The following MAPK10 variants were observed in gnomAD, a reference collection of about 807,000 sequenced individuals.
MAPK10 encodes the protein JNK3 alpha protein kinase.
A neutral mutation model predicts 59.3 loss-of-function variants in MAPK10; 25 were observed. The ratio of observed to expected loss-of-function variants is 0.42; its 90% CI spans 0.31 to 0.59. MAPK10 has a LOEUF of 0.59. MAPK10 is among the 20% of genes least tolerant of loss of function. The pLI is 0.15. For synonymous variants in MAPK10, 190 were observed against 200.5 expected, an observed-to-expected ratio of 0.95 and a Z score of 0.44; for missense variants, 351 against 568.9, an observed-to-expected ratio of 0.62 and a Z score of 3.90.
At chr4:86,046,536 G>A (rs2042534219) in intron 11 of MAPK10, among the ~76,000 whole-genome samples, 1 of 152,064 alleles carries the variant, frequency 6.6e-6, no homozygotes, top group Non-Finnish European at 1.5e-5. Context: ...TGGAAGCACA[G>A]TATATAGTAC....
Position 86,511,738 on chromosome 4 carries a change from C to T in MAPK10, c.-263+82172G>A, listed in dbSNP as rs1031587712. On this transcript the variant is annotated intron_variant, in intron 1 of 4. Transcript: ENST00000502302. ...GGAGGAGCGGGAGCAGGAGGGGGAG[C>T]GAGAGGGAAAGGGGGAGGGGAGAGA... Among the ~76,000 whole-genome samples the T allele has an allele frequency of 6.3e-5, 7 of 111,062 alleles. No individual in the cohort carries two copies. The Admixed American group carries it at 6.8e-4, about 11-fold the overall frequency. 72.9% of individuals were successfully genotyped at this position (111,062 alleles called of 152,430 possible).
At chr4:86,107,566 GGAA>G in intron 4 of MAPK10, 3 of 1,164,982 alleles carry the variant, frequency 2.6e-6, no homozygotes, top group South Asian at 3.6e-5. Flanking sequence ...TTGGAGGAAG[GGAA>G]GAAGGAGAAA....
intron 1 of MAPK10, among the ~76,000 whole-genome samples, chr4:86,487,269 C>T (rs1754065877): frequency 6.6e-6 from 1 of 151,436 alleles, no homozygotes; most frequent in Non-Finnish European, 1.5e-5. Flanking sequence ...TAAGAGGATA[C>T]CTTTTTTTCT....
At chr4:86,473,660 A>G (rs1185295898) in intron 1 of MAPK10, among the ~76,000 whole-genome samples, 1 of 152,206 alleles carries the variant, frequency 6.6e-6, no homozygotes, top group Admixed American at 6.5e-5. Flanking sequence ...CGCATTAGAG[A>G]AAATCTAAAC....
chr4:86,374,499 T>A (rs1739462831), intron 1 of MAPK10, among the ~76,000 whole-genome samples: 3 of 152,196 alleles, frequency 2.0e-5, no homozygotes, highest in Admixed American at 6.5e-5. Flanking sequence ...ATCATTATTG[T>A]CCTGTGTGGA....
intron 3 of MAPK10, among the ~76,000 whole-genome samples, chr4:86,176,972 T>A (rs2075836681): frequency 6.6e-6 from 1 of 152,098 alleles, no homozygotes. Context: ...TTAAAGCAGA[T>A]GTAGAAGAAA....
intron 9 of MAPK10, among the ~76,000 whole-genome samples, chr4:86,072,377 C>T (rs1024632039): frequency 2.4e-4 from 36 of 151,344 alleles, no homozygotes; most frequent in African/African-American, 7.8e-4. Context: ...AATTGAATAC[C>T]GTTTATTTCC....
upstream of MAPK10, chr4:86,360,303 C>A (rs970031637): frequency 5.9e-5 from 32 of 545,510 alleles, no homozygotes; most frequent in Non-Finnish European, 7.2e-5. Context: ...AGCCAGCCTG[C>A]ACAACCTGAA....
rs981399401 is a variant in MAPK10, at chr4:86,375,006, G to A, written c.-121-20362C>T. Among the ~76,000 whole-genome samples the A allele has an allele frequency of 1.2e-4, 18 of 152,244 alleles. No homozygotes were observed. The East Asian group carries it at 1.5e-3, about 13-fold the overall frequency. On this transcript the variant is annotated intron_variant, in intron 1 of 13. Coordinates refer to the MAPK10 transcript ENST00000361569. Reference sequence around the variant, plus strand: ...ACATGATCAAGACAAAAACGTGTTCGGATATTGCTTCTGCTCTTTCATGGA... The same window carrying A: ...ACATGATCAAGACAAAAACGTGTTCAGATATTGCTTCTGCTCTTTCATGGA...
At chr4:86,152,890 G>A (rs1178645920) in intron 4 of MAPK10, among the ~76,000 whole-genome samples, 6 of 152,172 alleles carry the variant, frequency 3.9e-5, no homozygotes, top group African/African-American at 1.4e-4. Context: ...CTGTTATTTA[G>A]CATAATTTAA....
intron 1 of MAPK10, among the ~76,000 whole-genome samples, chr4:86,591,102 T>A (rs557398712): frequency 1.8e-4 from 28 of 152,274 alleles, no homozygotes; most frequent in African/African-American, 6.3e-4. Flanking sequence ...TTATTTTTTT[T>A]AAATAAAGAT....
At chr4:86,316,260 T>C (rs1271511721) in intron 2 of MAPK10, among the ~76,000 whole-genome samples, 5 of 152,176 alleles carry the variant, frequency 3.3e-5, no homozygotes, top group Admixed American at 1.3e-4. Flanking sequence ...CCAAAAATAA[T>C]ATTCACATCT....
At chr4:86,440,048 A>C (rs935272569) in intron 1 of MAPK10, among the ~76,000 whole-genome samples, 2 of 152,222 alleles carry the variant, frequency 1.3e-5, no homozygotes, top group African/African-American at 4.8e-5. Context: ...CTTCTGAAAT[A>C]GTTTTGCAAA....
intron 1 of MAPK10, among the ~76,000 whole-genome samples, chr4:86,536,431 C>T (rs897785788): frequency 2.6e-5 from 4 of 152,176 alleles, no homozygotes; most frequent in Non-Finnish European, 5.9e-5. Context: ...AACCCAGACA[C>T]GATTACGTTT....
chr4:86,241,106 G>C (rs2092695557), intron 2 of MAPK10, among the ~76,000 whole-genome samples: 1 of 152,122 alleles, frequency 6.6e-6, no homozygotes, highest in African/African-American at 2.4e-5. Flanking sequence ...GCTTAGTTTG[G>C]CTGGATATGA....
intron 2 of MAPK10, among the ~76,000 whole-genome samples, chr4:86,338,644 C>G (rs1005858150): frequency 6.6e-6 from 1 of 152,134 alleles, no homozygotes; most frequent in African/African-American, 2.4e-5. Flanking sequence ...AGCCCTATAG[C>G]CTTTCCACGG....
At chr4:86,589,639 G>A (rs1243595022) in intron 1 of MAPK10, among the ~76,000 whole-genome samples, 5 of 150,566 alleles carry the variant, frequency 3.3e-5, no homozygotes, top group Non-Finnish European at 7.4e-5. Flanking sequence ...ACGAGATTGC[G>A]CCATTGCACT....
At chr4:86,581,923 ATAT>A (rs950590961) in intron 1 of MAPK10, among the ~76,000 whole-genome samples, 3 of 126,286 alleles carry the variant, frequency 2.4e-5, no homozygotes, top group African/African-American at 5.8e-5. Flanking sequence ...ATATATATAT[ATAT>A]ATATATATAT....
chr4:86,385,449 T>C (rs1474870645), intron 1 of MAPK10, among the ~76,000 whole-genome samples: 1 of 152,224 alleles, frequency 6.6e-6, no homozygotes, highest in African/African-American at 2.4e-5. Flanking sequence ...ACTTTAACAG[T>C]GTTCTTTCTC....
Sources: allele counts gnomAD v4.1 joint callset (sites outside exome capture counted in the v4.1 genomes callset), GRCh38; gene constraint gnomAD v4.1.1; transcripts MANE v1.5; gene names NCBI Gene and HGNC (gene_info 2026-07-23, HGNC 2026-07-21).